GFRA1: variants seen among roughly 807,000 people sequenced by gnomAD.
The protein encoded by GFRA1 is GDNF family receptor alpha-1.
GFRA1 carries 16 observed loss-of-function variants against 51.6 expected under a neutral mutation model. The observed-to-expected ratio is 0.31, with a 90% CI of 0.21 to 0.47. The LOEUF is 0.47. Ranked by LOEUF, GFRA1 falls within the 20% of genes least tolerant of loss-of-function variation. The pLI is 1.00. For synonymous variants in GFRA1, 270 were observed against 241.3 expected (o/e 1.12, Z -1.10); for missense variants, 530 against 594.3 (o/e 0.89, Z 1.13).
At chr10:116,116,999 T>C (rs1196208220) in intron 6 of GFRA1, among the ~76,000 whole-genome samples, 3 of 152,186 alleles carry the variant, frequency 2.0e-5, no homozygotes, top group Non-Finnish European at 2.9e-5. Flanking sequence ...GTAAGAACAT[T>C]GTATTCCTAT....
At chr10:116,256,540 C>T (rs1968870527) in intron 4 of GFRA1, among the ~76,000 whole-genome samples, 1 of 152,188 alleles carries the variant, frequency 6.6e-6, no homozygotes, top group Non-Finnish European at 1.5e-5. Context: ...GGCTCAGTAG[C>T]TTCTTAGGAG....
At chr10:116,179,822 G>A (rs754034579) in intron 5 of GFRA1, among the ~76,000 whole-genome samples, 6 of 152,152 alleles carry the variant, frequency 3.9e-5, no homozygotes, top group Non-Finnish European at 7.3e-5. Flanking sequence ...CTTTGGAAGC[G>A]AGCAGATGCT....
At chr10:116,081,153 C>A (rs1156491250) in intron 9 of GFRA1, among the ~76,000 whole-genome samples, 1 of 152,144 alleles carries the variant, frequency 6.6e-6, no homozygotes, top group East Asian at 1.9e-4. Flanking sequence ...GTCATAGGAA[C>A]CCCTGGATTT....
intron 6 of GFRA1, among the ~76,000 whole-genome samples, chr10:116,124,703 G>C (rs1433653123): frequency 6.6e-6 from 1 of 152,174 alleles, no homozygotes; most frequent in Non-Finnish European, 1.5e-5. Context: ...GTGGGAAGGT[G>C]ACCTCTTCAC....
At chr10:116,182,779 C>A (rs1962357830) in intron 5 of GFRA1, among the ~76,000 whole-genome samples, 1 of 152,206 alleles carries the variant, frequency 6.6e-6, no homozygotes, top group Non-Finnish European at 1.5e-5. Flanking sequence ...CAGGTCCCTT[C>A]TTAGATGGGC....
chr10:116,077,939 G>A (rs1475510284), intron 9 of GFRA1, among the ~76,000 whole-genome samples: 4 of 152,170 alleles, frequency 2.6e-5, no homozygotes, highest in African/African-American at 7.2e-5. Context: ...AAGTCTTGCA[G>A]GAACAGCACT....
At chr10:116,215,409 T>C (rs1965492086) in intron 4 of GFRA1, among the ~76,000 whole-genome samples, 1 of 152,196 alleles carries the variant, frequency 6.6e-6, no homozygotes, top group Non-Finnish European at 1.5e-5. Flanking sequence ...GGAGTAGTCA[T>C]TTACACAAAT....
intron 5 of GFRA1, among the ~76,000 whole-genome samples, chr10:116,183,379 T>C (rs544815847): frequency 1.8e-4 from 28 of 152,306 alleles, no homozygotes; most frequent in African/African-American, 5.8e-4. Flanking sequence ...CAGGGAATCA[T>C]CTCCACAGCC....
intron 5 of GFRA1, among the ~76,000 whole-genome samples, chr10:116,206,616 C>CATT (rs1964777044): frequency 7.4e-6 from 1 of 134,724 alleles, no homozygotes; most frequent in South Asian, 2.7e-4. Context: ...TCTGAAACCA[C>CATT]ATTCTCTTTT....
In GFRA1 at chr10:116,271,005, G is replaced by A. The variant is rs1302625297; in HGVS notation, c.151C>T (p.Gln51Ter). 6.2e-7 allele frequency: 1 copy of A among 1,614,198 alleles called. No homozygotes were observed. The highest frequency in any genetic ancestry group is 8.5e-7 in the Non-Finnish European group (1 of 1,180,004). ...SCSTKYRTLR[Q>*]CVAGKETNFS... is the part of the protein sequence containing the mutation. ...TTGGTCTCCTTGCCCGCCACGCACTGCCTTAGCGTGCGGTACTTGGTGCTG... is the reference window on the plus strand; with the variant it reads ...TTGGTCTCCTTGCCCGCCACGCACTACCTTAGCGTGCGGTACTTGGTGCTG... The change falls in exon 3 of 11, where the codon CAG becomes TAG. Residue 51 changes from glutamine (Q) to a stop codon, truncating the protein, a stop_gained. Transcript: ENST00000355422. LOFTEE classifies it high-confidence loss of function.
chr10:116,187,396 G>A (rs11595037), intron 5 of GFRA1, among the ~76,000 whole-genome samples: 2,149 of 152,242 alleles, frequency 0.014, 21 homozygotes, highest in Middle Eastern at 0.034. Context: ...ACAGTAAGTT[G>A]GACGAAGTGC....
intron 3 of GFRA1, among the ~76,000 whole-genome samples, chr10:116,270,035 TA>T (rs1843774684): frequency 6.6e-6 from 1 of 152,142 alleles, no homozygotes; most frequent in Non-Finnish European, 1.5e-5. Flanking sequence ...AGGTTTTCAT[TA>T]ATAGACTCTG....
At chr10:116,122,750 G>T (rs1288928821) in intron 6 of GFRA1, among the ~76,000 whole-genome samples, 1 of 152,078 alleles carries the variant, frequency 6.6e-6, no homozygotes, top group Admixed American at 6.5e-5. Flanking sequence ...AGGAAGGAAA[G>T]GCTCCATCAC....
intron 5 of GFRA1, among the ~76,000 whole-genome samples, chr10:116,138,372 CT>C (rs1321482199): frequency 7.3e-6 from 1 of 136,878 alleles, no homozygotes; most frequent in Non-Finnish European, 1.5e-5. Context: ...TAGGTTAAAC[CT>C]TTTTTTTATG....
Position 116,249,046 on chromosome 10 carries a change from G to A in GFRA1, c.418+20457C>T, listed in dbSNP as rs1041809437. Among the ~76,000 whole-genome samples, 5 of 152,130 alleles carry A rather than the reference G, an allele frequency of 3.3e-5. No individual in the cohort carries two copies. The East Asian group carries it at 5.8e-4, about 18-fold the overall frequency. ...CATCTCACACTGACCACTCTGGCCC[G>A]CCCCTTTGCCCCACACAACCTTGGC... is the stretch of plus-strand genomic sequence containing the variant. On this transcript the variant is annotated intron_variant, in intron 4 of 10. Coordinates refer to ENST00000355422, the MANE Select transcript of GFRA1 (RefSeq NM_005264.8).
At chr10:116,159,665 A>C (rs771867754) in intron 5 of GFRA1, among the ~76,000 whole-genome samples, 1 of 152,150 alleles carries the variant, frequency 6.6e-6, no homozygotes, top group Non-Finnish European at 1.5e-5. Flanking sequence ...TACACCCTGC[A>C]CTGCTTTTGT....
At chr10:116,171,697 G>A (rs1054474192) in intron 5 of GFRA1, among the ~76,000 whole-genome samples, 8 of 152,194 alleles carry the variant, frequency 5.3e-5, no homozygotes, top group Non-Finnish European at 1.2e-4. Flanking sequence ...GTGACTGTTA[G>A]CCGCTGCTGA....
intron 5 of GFRA1, among the ~76,000 whole-genome samples, chr10:116,138,890 G>C (rs78105922): frequency 0.018 from 2,689 of 152,234 alleles, 36 homozygotes; most frequent in Middle Eastern, 0.058. Context: ...ATTCCCATTG[G>C]AAGGACGACA....
chr10:116,213,944 G>A (rs1965384008), intron 4 of GFRA1, among the ~76,000 whole-genome samples: 1 of 152,162 alleles, frequency 6.6e-6, no homozygotes, highest in African/African-American at 2.4e-5. Flanking sequence ...GGTCCTATCA[G>A]TCCCACTACA....
Sources: gnomAD v4.1 joint callset for allele counts (sites outside exome capture counted in the v4.1 genomes callset) on GRCh38, gnomAD v4.1.1 for gene constraint, MANE v1.5 for transcripts, NCBI Gene and HGNC (gene_info 2026-07-23, HGNC 2026-07-21) for gene names.